The following VPS53 variants were observed in gnomAD, a reference collection of about 807,000 sequenced individuals.
VPS53 encodes the protein vacuolar protein sorting-associated protein 53 homolog.
Under a neutral mutation model 107.0 loss-of-function variants are expected in VPS53, and 70 were observed. That is an observed-to-expected ratio of 0.65 (90% CI 0.54 to 0.80). The LOEUF (loss-of-function observed/expected upper bound fraction) is 0.80. Ranked by LOEUF, VPS53 falls within the 30% of genes least tolerant of loss-of-function variation. The pLI is 0.00. For missense variants in VPS53, 917 were observed against 1,049.4 expected, an observed-to-expected ratio of 0.87 and a Z score of 1.74; for synonymous variants, 409 against 393.3, an observed-to-expected ratio of 1.04 and a Z score of -0.47.
In VPS53 at chr17:519,352, C is replaced by T. The variant is rs1430404096; in HGVS notation, c.2329-54G>A. On this transcript the variant is annotated intron_variant, in intron 21 of 21. Coordinates refer to ENST00000437048, the MANE Select transcript of VPS53 (RefSeq NM_001128159.3). The surrounding 1 kb of genome is among the most constrained non-coding windows in gnomAD (Gnocchi z 5.0). Reference sequence around the variant, plus strand: ...ACGAAGTCTGGGCCAGAATGGCCCACGGGGGACAGCGCAGTATCTGGATAT... The same window carrying T: ...ACGAAGTCTGGGCCAGAATGGCCCATGGGGGACAGCGCAGTATCTGGATAT... 1.2e-5 allele frequency: 17 copies of T among 1,423,858 alleles called. No individual in the cohort carries two copies. The highest frequency in any genetic ancestry group is 9.1e-5 in the Admixed American group (3 of 33,128). 88.2% of individuals were successfully genotyped at this position (1,423,858 alleles called of 1,614,324 possible).
At chr17:533,122 G>A in intron 18 of VPS53, 1 of 744,294 alleles carries the variant, frequency 1.3e-6, no homozygotes, top group Non-Finnish European at 2.1e-6. Flanking sequence ...GGGAAAACCG[G>A]ATCCCATCCT....
At chr17:606,884 C>A (rs556070602) in intron 11 of VPS53, among the ~76,000 whole-genome samples, 1 of 150,342 alleles carries the variant, frequency 6.7e-6, no homozygotes, top group East Asian at 2.0e-4. Flanking sequence ...CCCACCCCCA[C>A]CTCTGGAAAA....
At chr17:630,660 C>T (rs1392757967) in intron 8 of VPS53, among the ~76,000 whole-genome samples, 2 of 152,202 alleles carry the variant, frequency 1.3e-5, no homozygotes, top group Non-Finnish European at 2.9e-5. Context: ...TTACTTCCTA[C>T]ATTTCTTTTA....
intron 8 of VPS53, 43 bp from the exon 9 acceptor site, chr17:628,274 C>G: frequency 6.2e-7 from 1 of 1,605,366 alleles, no homozygotes; most frequent in Non-Finnish European, 8.5e-7. Context: ...CAGAAACAAC[C>G]TTTAAACCTC....
chr17:633,363 T>G (rs944066550), intron 7 of VPS53, among the ~76,000 whole-genome samples: 7 of 152,142 alleles, frequency 4.6e-5, no homozygotes, highest in Non-Finnish European at 1.0e-4. Flanking sequence ...GCAAATACTG[T>G]CTGGTTGCTA....
chr17:616,421 G>A (rs1002793862), intron 11 of VPS53: 2 of 152,282 alleles, frequency 1.3e-5, no homozygotes, highest in Admixed American at 6.5e-5. Flanking sequence ...ACAATGAAGA[G>A]GGGATGATTT....
intron 11 of VPS53, among the ~76,000 whole-genome samples, chr17:613,854 T>C (rs1969013498): frequency 6.6e-6 from 1 of 152,152 alleles, no homozygotes; most frequent in Non-Finnish European, 1.5e-5. Flanking sequence ...ATTCACACAG[T>C]GAAAAAGTGG....
In VPS53 at chr17:517,367, G is replaced by A. The variant is rs541075511; in HGVS notation, c.*1761C>T. The A allele has an allele frequency of 3.8e-5, 15 of 399,466 alleles. No individual in the cohort carries two copies. Among genetic ancestry groups the A allele is most frequent in the Middle Eastern group, 1.2e-3 (2 of 1,610 alleles). The allele number at this position is 399,466 out of a possible 1,614,324, so 24.7% of individuals were successfully genotyped here. On this transcript the variant is annotated 3_prime_UTR_variant, in exon 22 of 22. Transcript: ENST00000437048. ...CAGGATCAGAGCTGGACGGCATCGGGGAGAAAGCCTGGCAGAGAGGGCAGG... is the reference window on the plus strand; with the variant it reads ...CAGGATCAGAGCTGGACGGCATCGGAGAGAAAGCCTGGCAGAGAGGGCAGG...
At chr17:593,514 T>G (rs1597354764) in intron 12 of VPS53, among the ~76,000 whole-genome samples, 2 of 152,182 alleles carry the variant, frequency 1.3e-5, no homozygotes, top group East Asian at 3.9e-4. Context: ...GAACAGACAC[T>G]TCTCAAAAGA....
intron 5 of VPS53, among the ~76,000 whole-genome samples, chr17:658,248 G>A (rs1241801990): frequency 1.1e-5 from 1 of 94,790 alleles, no homozygotes; most frequent in East Asian, 2.8e-4. Context: ...GTGAGTTCGT[G>A]GATAGATAAC....
At position 662,205 on chromosome 17, in the gene VPS53, T is replaced by G. The variant is rs1297268371; in HGVS notation, c.286-310A>C. ...CAAATAGGACAAGTAGATCTCTGTG[T>G]GTGGGTGTATGCAAAGACTCACACA... On this transcript the variant is annotated intron_variant, in intron 4 of 21. Transcript: ENST00000437048. Among the ~76,000 whole-genome samples, 3 of 152,226 alleles carry G rather than the reference T, an allele frequency of 2.0e-5. No individual in the cohort carries two copies. In the East Asian group the frequency reaches 5.8e-4, roughly 29 times the overall value.
intron 17 of VPS53, among the ~76,000 whole-genome samples, chr17:543,040 A>AC (rs1280144137): frequency 2.6e-5 from 4 of 152,040 alleles, no homozygotes; most frequent in African/African-American, 9.7e-5. Flanking sequence ...TCATAATGGG[A>AC]AAAATCTTTT....
chr17:668,057 T>C (rs1411671672), intron 4 of VPS53, among the ~76,000 whole-genome samples: 5 of 152,156 alleles, frequency 3.3e-5, no homozygotes, highest in Non-Finnish European at 7.3e-5. Flanking sequence ...GCCAAAAAGG[T>C]TGGGGACCAC....
intron 2 of VPS53, among the ~76,000 whole-genome samples, chr17:709,156 C>T (rs1973535305): frequency 6.6e-6 from 1 of 150,726 alleles, no homozygotes; most frequent in Non-Finnish European, 1.5e-5. Context: ...CACGCTCTGT[C>T]ACGGAACCTG....
chr17:610,415 CTA>C (rs1370746559), intron 11 of VPS53, among the ~76,000 whole-genome samples: 1 of 152,054 alleles, frequency 6.6e-6, no homozygotes, highest in Admixed American at 6.6e-5. Context: ...GCAGCTGAAA[CTA>C]TAAAACTCTT....
intron 19 of VPS53, among the ~76,000 whole-genome samples, chr17:527,675 G>A (rs900284848): frequency 8.5e-5 from 13 of 152,190 alleles, no homozygotes; most frequent in African/African-American, 3.1e-4. Context: ...ATGCAGTGGT[G>A]CAATCATAGC....
At chr17:537,244 G>T (rs541534048) in intron 17 of VPS53, 68 bp from the exon 18 acceptor site, 2 of 1,559,590 alleles carry the variant, frequency 1.3e-6, no homozygotes, top group South Asian at 2.3e-5. Context: ...TACTGGGGAA[G>T]GGAGGGGCTG....
At chr17:626,151 G>A (rs956208766) in intron 10 of VPS53, among the ~76,000 whole-genome samples, 1 of 151,774 alleles carries the variant, frequency 6.6e-6, no homozygotes, top group African/African-American at 2.4e-5. Context: ...CAAGGCTGCT[G>A]TGAGCCATGA....
chr17:539,923 C>A (rs1486831383), intron 17 of VPS53, among the ~76,000 whole-genome samples: 1 of 152,068 alleles, frequency 6.6e-6, no homozygotes, highest in African/African-American at 2.4e-5. Context: ...GGGACAACCA[C>A]GTCTATCTAA....
Sources: allele counts gnomAD v4.1 joint callset (sites outside exome capture counted in the v4.1 genomes callset), GRCh38; gene constraint gnomAD v4.1.1; non-coding constraint Gnocchi (gnomAD v3.1); transcripts MANE v1.5; gene names NCBI Gene and HGNC (gene_info 2026-07-23, HGNC 2026-07-21).